The following CD163 variants were observed in gnomAD, a reference collection of about 807,000 sequenced individuals.
CD163 encodes the protein scavenger receptor cysteine-rich type 1 protein M130.
CD163 carries 64 observed loss-of-function variants against 129.2 expected under a neutral mutation model. That is an observed-to-expected ratio of 0.50 (90% CI 0.41 to 0.61). The LOEUF is 0.61. CD163 is among the 20% of genes least tolerant of loss of function. The pLI, the probability that CD163 is intolerant of heterozygous loss-of-function variation, is 0.00. For synonymous variants in CD163, 446 were observed against 478.5 expected, an observed-to-expected ratio of 0.93 and a Z score of 0.89; for missense variants, 1,061 against 1,377.9, an observed-to-expected ratio of 0.77 and a Z score of 3.64.
At chr12:7,490,727 C>T (rs1949316299) in intron 6 of CD163, among the ~76,000 whole-genome samples, 1 of 151,952 alleles carries the variant, frequency 6.6e-6, no homozygotes, top group African/African-American at 2.4e-5. Flanking sequence ...TCGAATATGA[C>T]CATGTTCTGT....
chr12:7,499,810 G>A (rs1949454399), intron 3 of CD163, among the ~76,000 whole-genome samples: 1 of 152,046 alleles, frequency 6.6e-6, no homozygotes, highest in Admixed American at 6.6e-5. Context: ...AAGAGGAAGC[G>A]GAGAAAGAAG....
At chr12:7,478,900 C>T (rs756420908) in intron 16 of CD163, among the ~76,000 whole-genome samples, 4 of 152,118 alleles carry the variant, frequency 2.6e-5, no homozygotes, top group African/African-American at 9.6e-5. Flanking sequence ...ATTTTAAAAA[C>T]AGAAAATGTA....
At position 7,487,978 on chromosome 12, in the gene CD163, T is replaced by C. The variant is rs767319650; in HGVS notation, c.1530A>G (p.Glu510=). ...ATTCCCTGCATAGAACGCTGGCAGC[T>C]TCCAGAGAGAAGTCCGAATCACAGA... ...GSICDSDFSL[E]AASVLCRELQ... The change falls in exon 7 of 17, where the codon GAA becomes GAG. Residue 510 remains glutamate (E), a synonymous_variant. Transcript: ENST00000432237. This position sits in a 1 kb window ranked among gnomAD's most constrained non-coding sequence, Gnocchi z 5.1. 1 of 1,614,020 alleles carries C rather than the reference T, an allele frequency of 6.2e-7. No homozygotes were observed. The highest frequency in any genetic ancestry group is 8.5e-7 in the Non-Finnish European group (1 of 1,180,022).
chr12:7,474,294 A>G (rs1383741264), intron 16 of CD163, among the ~76,000 whole-genome samples: 1 of 152,212 alleles, frequency 6.6e-6, no homozygotes, highest in East Asian at 1.9e-4. Context: ...TCAGCACCAC[A>G]TAGCACTTAT....
chr12:7,487,928 A>G lies in CD163; in HGVS notation c.1580T>C (p.Ile527Thr), dbSNP rs1304390522. ...RELQCGTVVSILGGAHFGEGN... is the reference protein window; with the variant it reads ...RELQCGTVVSTLGGAHFGEGN... ...CTCTCCAAAGTGAGCTCCCCCCAGG[A>G]TAGAGACAACTGTGCCACACTGTAA... The change falls in exon 7 of 17, where the codon ATC (isoleucine) becomes ACC (threonine). Residue 527 changes from isoleucine (I) to threonine (T), a missense_variant. Physicochemically the swap from Ile to Thr is moderately conservative, Grantham distance 89. Transcript: ENST00000432237. The surrounding 1 kb of genome is among the most constrained non-coding windows in gnomAD (Gnocchi z 5.1). 7 of 1,614,008 alleles carry G rather than the reference A, an allele frequency of 4.3e-6. No individual in the cohort carries two copies. Among genetic ancestry groups the G allele is most frequent in the South Asian group, 3.3e-5 (3 of 91,074 alleles).
chr12:7,499,319 G>T, intron 3 of CD163, 131 bp from the exon 4 acceptor site: 2 of 708,276 alleles, frequency 2.8e-6, no homozygotes, highest in South Asian at 1.9e-5. Context: ...ACATTGCCCA[G>T]CTCCACACGG....
chr12:7,495,125 C>G lies in CD163; in HGVS notation c.1376G>C (p.Gly459Ala). 6.2e-7 allele frequency: 1 copy of G among 1,614,110 alleles called. No homozygotes were observed. The highest frequency in any genetic ancestry group is 8.5e-7 in the Non-Finnish European group (1 of 1,179,988). ...LWDCKNWQWG[G>A]LTCDHYEEAK... ...TTCTTCATAGTGATCACAGGTAAGT[C>G]CACCCCATTGCCAGTTCTTGCAGTC... The change falls in exon 6 of 17, where the codon GGA (glycine) becomes GCA (alanine). Residue 459 changes from glycine to alanine, a missense_variant. Transcript: ENST00000432237.
At chr12:7,482,561 T>A in intron 14 of CD163, 82 bp downstream of exon 14, 1 of 1,478,388 alleles carries the variant, frequency 6.8e-7, no homozygotes, top group Non-Finnish European at 9.2e-7. Context: ...TTTCTGGCCA[T>A]TAGACTTGAG....
chr12:7,478,376 G>A (rs898770442), intron 16 of CD163, among the ~76,000 whole-genome samples: 2 of 152,024 alleles, frequency 1.3e-5, no homozygotes, highest in Non-Finnish European at 2.9e-5. Flanking sequence ...AATATTGATG[G>A]TATTTCAAAT....
intron 1 of CD163, among the ~76,000 whole-genome samples, chr12:7,503,374 A>G (rs1352174398): frequency 6.6e-6 from 1 of 152,080 alleles, no homozygotes; most frequent in East Asian, 1.9e-4. Context: ...TCTAACAACT[A>G]TTTTTTCATA....
intron 1 of CD163, chr12:7,502,785 G>A (rs774241329): frequency 1.5e-4 from 87 of 575,982 alleles, no homozygotes; most frequent in Non-Finnish European, 2.3e-4. Flanking sequence ...TAGAGGTGAC[G>A]GATTAGCAGA....
intron 16 of CD163, among the ~76,000 whole-genome samples, chr12:7,475,495 T>C (rs1949074925): frequency 6.6e-6 from 1 of 152,174 alleles, no homozygotes; most frequent in African/African-American, 2.4e-5. Context: ...AACCAAATGA[T>C]TGTCTCAACA....
chr12:7,501,515 A>G, intron 2 of CD163, 53 bp from the exon 3 acceptor site: 1 of 1,392,982 alleles, frequency 7.2e-7, no homozygotes. Flanking sequence ...GAGCAAGTAG[A>G]AAATTATTTT....
intron 6 of CD163, among the ~76,000 whole-genome samples, chr12:7,493,606 A>G (rs1404200159): frequency 6.6e-6 from 1 of 152,194 alleles, no homozygotes; most frequent in East Asian, 1.9e-4. Context: ...GTAAAATACA[A>G]TTAATAAGAA....
rs1565401916 is a variant in CD163, at chr12:7,486,536, A to G, written c.2421T>C (p.Asn807=). 3 of 1,614,174 alleles carry G rather than the reference A, an allele frequency of 1.9e-6. No individual in the cohort carries two copies. The highest frequency in any genetic ancestry group is 2.2e-5 in the East Asian group (1 of 44,880). ...QCHSHGWGQQ[N]CRHKEDAGVI... is the part of the protein sequence containing the mutation. ...CTCCCGCATCCTCCTTGTGCCTGCAATTTTGCTGCCCCCAGCCGTGTGAAT... is the reference window on the plus strand; with the variant it reads ...CTCCCGCATCCTCCTTGTGCCTGCAGTTTTGCTGCCCCCAGCCGTGTGAAT... The change falls in exon 10 of 17, where the codon AAT becomes AAC. Residue 807 remains asparagine (N), a synonymous_variant. Coordinates refer to ENST00000432237, the MANE Select transcript of CD163 (RefSeq NM_203416.4).
rs538466066 is a variant in CD163, at chr12:7,496,486, A to G, written c.1099+327T>C. 6.6e-6 allele frequency among the ~76,000 whole-genome samples: 1 copy of G among 152,190 alleles called. No homozygotes were observed. The highest frequency in any genetic ancestry group is 2.4e-5 in the African/African-American group (1 of 41,432). ...TCAACACATCTATCCCAGAACTTAA[A>G]GTAAAAAAATAAGTAAATTAAAAAA... On this transcript the variant is annotated intron_variant, in intron 5 of 16. Transcript: ENST00000432237. This position sits in a 1 kb window ranked among gnomAD's most constrained non-coding sequence, Gnocchi z 4.8.
In CD163 at chr12:7,501,194, T is replaced by C. The variant is rs571442483; in HGVS notation, c.402A>G (p.Gly134=). 7 of 1,614,038 alleles carry C rather than the reference T, an allele frequency of 4.3e-6. No homozygotes were observed. The highest frequency in any genetic ancestry group is 3.3e-5 in the Admixed American group (2 of 59,990). The change falls in exon 3 of 17, where the codon GGA becomes GGG. Residue 134 remains glycine, a synonymous_variant. Transcript: ENST00000432237. ...GAGTACAGTTACTATGCTTTCCCCA[T>C]CCATCATGTTTGCAATCCCAAAGAG... ...ESALWDCKHD[G]WGKHSNCTHQ...
chr12:7,481,635 A>G (rs1303296742), intron 14 of CD163, among the ~76,000 whole-genome samples: 2 of 152,154 alleles, frequency 1.3e-5, no homozygotes, highest in Admixed American at 1.3e-4. Flanking sequence ...CATTCCTGTC[A>G]GTCAAGTGGT....
At chr12:7,490,691 G>A (rs1311463690) in intron 6 of CD163, among the ~76,000 whole-genome samples, 1 of 151,836 alleles carries the variant, frequency 6.6e-6, no homozygotes, top group Admixed American at 6.6e-5. Flanking sequence ...CCTTTCACCT[G>A]ATACAAAAAT....
Sources: gnomAD v4.1 joint callset for allele counts (sites outside exome capture counted in the v4.1 genomes callset) on GRCh38, gnomAD v4.1.1 for gene constraint, Gnocchi (gnomAD v3.1) non-coding constraint, MANE v1.5 for transcripts, NCBI Gene and HGNC (gene_info 2026-07-23, HGNC 2026-07-21) for gene names.